The following GMDS variants were observed in gnomAD, a reference collection of about 807,000 sequenced individuals.
GMDS encodes the protein GDP-mannose 4,6 dehydratase.
In GMDS, 20 loss-of-function variants were observed where a neutral mutation model predicts 49.9. The ratio of observed to expected loss-of-function variants is 0.40; its 90% confidence interval spans 0.28 to 0.58. The LOEUF (loss-of-function observed/expected upper bound fraction) is 0.58. GMDS is among the 20% of genes least tolerant of loss of function. GMDS has a pLI of 0.42. For missense variants in GMDS, 362 were observed against 481.4 expected, an observed-to-expected ratio of 0.75 and a Z score of 2.32; for synonymous variants, 177 against 178.6, an observed-to-expected ratio of 0.99 and a Z score of 0.07.
At chr6:1,953,520 A>G (rs80157627) in intron 6 of GMDS, among the ~76,000 whole-genome samples, 1,994 of 152,306 alleles carry the variant, frequency 0.013, 18 homozygotes, top group Non-Finnish European at 0.022. Flanking sequence ...TATTAGTGTT[A>G]TTTATAGTTT....
At chr6:2,092,000 CAG>C (rs1773345889) in intron 4 of GMDS, among the ~76,000 whole-genome samples, 1 of 152,026 alleles carries the variant, frequency 6.6e-6, no homozygotes, top group Admixed American at 6.6e-5. Flanking sequence ...GGCCAGGACT[CAG>C]GGAAGAGTGG....
intron 7 of GMDS, among the ~76,000 whole-genome samples, chr6:1,760,686 TCCCCA>T (rs1381798547): frequency 1.3e-5 from 2 of 152,168 alleles, no homozygotes; most frequent in Admixed American, 6.5e-5. Context: ...CAAATGTGTT[TCCCCA>T]GTGTCTTCAT....
At chr6:1,928,904 G>A (rs1762152669) in intron 7 of GMDS, among the ~76,000 whole-genome samples, 1 of 152,128 alleles carries the variant, frequency 6.6e-6, no homozygotes, top group Non-Finnish European at 1.5e-5. Flanking sequence ...GGGAGGCCGA[G>A]GTTGTAGTGA....
At chr6:1,927,237 AT>A (rs1762058859) in intron 7 of GMDS, among the ~76,000 whole-genome samples, 2 of 131,086 alleles carry the variant, frequency 1.5e-5, no homozygotes, top group African/African-American at 3.0e-5. Context: ...GTGTTGGTGT[AT>A]TTTTATTCAG....
At chr6:1,932,834 G>T (rs1033809093) in intron 6 of GMDS, among the ~76,000 whole-genome samples, 2 of 152,128 alleles carry the variant, frequency 1.3e-5, no homozygotes, top group Non-Finnish European at 1.5e-5. Context: ...CACCGCGCCC[G>T]CTCAAAATGT....
At chr6:1,952,958 G>A (rs1763431226) in intron 6 of GMDS, among the ~76,000 whole-genome samples, 1 of 152,188 alleles carries the variant, frequency 6.6e-6, no homozygotes, top group African/African-American at 2.4e-5. Context: ...CACGAGGTAG[G>A]CTCATGTAAC....
intron 1 of GMDS, among the ~76,000 whole-genome samples, chr6:2,221,574 G>A (rs920664693): frequency 6.6e-6 from 1 of 152,144 alleles, no homozygotes; most frequent in African/African-American, 2.4e-5. Flanking sequence ...ATTTTTAGTA[G>A]AGACGGGGTT....
At chr6:2,162,477 T>C (rs906494805) in intron 1 of GMDS, among the ~76,000 whole-genome samples, 6 of 152,166 alleles carry the variant, frequency 3.9e-5, no homozygotes, top group African/African-American at 1.4e-4. Context: ...CCTCTGGGGC[T>C]TGAAAGTACT....
At chr6:2,014,777 G>A (rs992139195) in intron 4 of GMDS, among the ~76,000 whole-genome samples, 5 of 152,020 alleles carry the variant, frequency 3.3e-5, no homozygotes, top group Admixed American at 2.6e-4. Context: ...AAAACAAAGA[G>A]TGACACAGTG....
intron 7 of GMDS, among the ~76,000 whole-genome samples, chr6:1,859,402 GA>G (rs1322683155): frequency 6.6e-6 from 1 of 152,054 alleles, no homozygotes; most frequent in African/African-American, 2.4e-5. Context: ...TTTGTTGGAT[GA>G]AAAAAAGTAA....
intron 1 of GMDS, among the ~76,000 whole-genome samples, chr6:2,243,017 T>C (rs1026971279): frequency 6.6e-6 from 1 of 152,166 alleles, no homozygotes; most frequent in Non-Finnish European, 1.5e-5. Context: ...TGCAAGTGTT[T>C]ATGTGGTAGC....
At chr6:1,762,463 C>T (rs1162001363) in intron 7 of GMDS, among the ~76,000 whole-genome samples, 2 of 152,222 alleles carry the variant, frequency 1.3e-5, no homozygotes, top group African/African-American at 2.4e-5. Flanking sequence ...CGGCGAGCAA[C>T]CCGACCAGCC....
At chr6:2,221,002 C>A (rs745844692) in intron 1 of GMDS, among the ~76,000 whole-genome samples, 1 of 152,054 alleles carries the variant, frequency 6.6e-6, no homozygotes, top group African/African-American at 2.4e-5. Flanking sequence ...TACAGCAAGA[C>A]CCCGTCTATA....
intron 4 of GMDS, among the ~76,000 whole-genome samples, chr6:2,093,350 T>G (rs1773424771): frequency 6.6e-6 from 1 of 152,228 alleles, no homozygotes; most frequent in East Asian, 1.9e-4. Context: ...GCATTATGCA[T>G]TCTGTTTCTC....
chr6:1,652,378 AAAATATATATATATT>A (rs1561700362), intron 9 of GMDS, among the ~76,000 whole-genome samples: 23 of 8,740 alleles, frequency 2.6e-3, no homozygotes, highest in Non-Finnish European at 5.0e-3. Context: ...GCTAAAAAAA[AAAATATATATATATT>A]ATATATATAT....
intron 4 of GMDS, among the ~76,000 whole-genome samples, chr6:2,083,507 G>A (rs199865213): frequency 6.6e-6 from 1 of 152,194 alleles, no homozygotes; most frequent in East Asian, 1.9e-4. Context: ...CACTTAAGAA[G>A]GAAAAATCAA....
rs139260891 is a variant in GMDS at position 1,683,412 on chromosome 6, C to T, written c.987+43004G>A. ...TGCTGGGATTACAGGCGTGAGCCAC[C>T]GCGCGCGGCCTGGATGGCTCTAGTT... On this transcript the variant is annotated intron_variant, in intron 9 of 10. Coordinates refer to ENST00000380815, the MANE Select transcript of GMDS (RefSeq NM_001500.4). Among the ~76,000 whole-genome samples the T allele has an allele frequency of 1.3e-3, 199 of 152,286 alleles. 1 individual carries two copies. In the East Asian group the frequency reaches 0.023, roughly 18 times the overall value.
intron 4 of GMDS, among the ~76,000 whole-genome samples, chr6:1,990,068 G>A (rs1364642912): frequency 1.3e-5 from 2 of 152,210 alleles, no homozygotes; most frequent in South Asian, 2.1e-4. Flanking sequence ...AGGCCAAGGC[G>A]GGTGGATCAT....
intron 1 of GMDS, among the ~76,000 whole-genome samples, chr6:2,162,637 T>C (rs763142184): frequency 6.7e-6 from 1 of 149,780 alleles, no homozygotes; most frequent in Non-Finnish European, 1.5e-5. Flanking sequence ...AGAATAAAAA[T>C]ATCAGGTTTT....
Sources: gnomAD v4.1 joint callset for allele counts (sites outside exome capture counted in the v4.1 genomes callset) on GRCh38, gnomAD v4.1.1 for gene constraint, MANE v1.5 for transcripts, NCBI Gene and HGNC (gene_info 2026-07-23, HGNC 2026-07-21) for gene names.